Variants in IFT74 observed in about 807,000 individuals in gnomAD.
The protein encoded by IFT74 is intraflagellar transport 74.
Under a neutral mutation model 96.7 loss-of-function variants are expected in IFT74, and 92 were observed. That is an observed-to-expected ratio of 0.95 (90% CI 0.80 to 1.13). The LOEUF (loss-of-function observed/expected upper bound fraction) is 1.13. Ranked by LOEUF, IFT74 falls within the 50% of genes most tolerant of loss-of-function variation. IFT74 has a pLI of 0.00. For missense variants in IFT74, 811 were observed against 698.2 expected (o/e 1.16, Z -1.82); for synonymous variants, 223 against 213.2 (o/e 1.05, Z -0.40).
At chr9:26,974,692 A>G (rs1289821460) in intron 2 of IFT74, among the ~76,000 whole-genome samples, 1 of 152,054 alleles carries the variant, frequency 6.6e-6, no homozygotes, top group Non-Finnish European at 1.5e-5. Context: ...TAGCAGCCCT[A>G]CGGTTATGCT....
At chr9:26,977,170 G>T (rs1179845286) in intron 2 of IFT74, among the ~76,000 whole-genome samples, 1 of 151,854 alleles carries the variant, frequency 6.6e-6, no homozygotes, top group Non-Finnish European at 1.5e-5. Flanking sequence ...TTAAAAGACG[G>T]TCTCTCTATG....
At chr9:27,048,959 G>A (rs535199452) in intron 16 of IFT74, among the ~76,000 whole-genome samples, 4 of 152,256 alleles carry the variant, frequency 2.6e-5, no homozygotes, top group African/African-American at 9.6e-5. Flanking sequence ...GGAAATGTTT[G>A]GGTCATGGGG....
At chr9:27,061,519 C>A (rs1196186354) in intron 19 of IFT74, among the ~76,000 whole-genome samples, 1 of 151,952 alleles carries the variant, frequency 6.6e-6, no homozygotes, top group Non-Finnish European at 1.5e-5. Flanking sequence ...TAGGCTCAAT[C>A]CCACCTCGGC....
At chr9:26,974,297 C>T (rs867091175) in intron 2 of IFT74, among the ~76,000 whole-genome samples, 6 of 152,112 alleles carry the variant, frequency 3.9e-5, no homozygotes, top group Admixed American at 6.6e-5. Flanking sequence ...GTTTACTTAG[C>T]GGTCGGTCTT....
intron 1 of IFT74, among the ~76,000 whole-genome samples, chr9:26,949,617 T>C (rs747131640): frequency 1.3e-5 from 2 of 152,106 alleles, no homozygotes; most frequent in Admixed American, 6.5e-5. Context: ...CACTGAGAAC[T>C]ACAAATGTTG....
At chr9:27,052,507 C>CA (rs1187027414) in intron 16 of IFT74, among the ~76,000 whole-genome samples, 2,453 of 56,636 alleles carry the variant, frequency 0.043, 72 homozygotes, top group African/African-American at 0.093. Context: ...AAATCTATCT[C>CA]AAAAAAAAAA....
intron 12 of IFT74, among the ~76,000 whole-genome samples, chr9:27,021,981 C>CT (rs2131628506): frequency 6.6e-6 from 1 of 152,262 alleles, no homozygotes; most frequent in African/African-American, 2.4e-5. Context: ...ATTTAAGTCT[C>CT]TGATTCACCT....
rs1297462315 is a variant in IFT74 at position 26,961,988 on chromosome 9, T to G, written c.21T>G (p.Ser7=). 4 of 1,614,182 alleles carry G rather than the reference T, an allele frequency of 2.5e-6. No homozygotes were observed. The change falls in exon 2 of 20, where the codon TCT becomes TCG. Residue 7 remains serine, a synonymous_variant. Coordinates refer to ENST00000380062, the MANE Select transcript of IFT74 (RefSeq NM_025103.4). MASNHK[S]SAARPVSRGG... Reference sequence around the variant, plus strand: ...AAACAATGGCCAGCAATCACAAATCTTCAGCAGCTCGCCCTGTTTCAAGAG... The same window carrying G: ...AAACAATGGCCAGCAATCACAAATCGTCAGCAGCTCGCCCTGTTTCAAGAG...
At chr9:27,029,920 T>C (rs1365033095) in intron 13 of IFT74, among the ~76,000 whole-genome samples, 1 of 151,972 alleles carries the variant, frequency 6.6e-6, no homozygotes, top group Non-Finnish European at 1.5e-5. Flanking sequence ...ATTAACCTTA[T>C]CCTCCCCAAC....
intron 4 of IFT74, among the ~76,000 whole-genome samples, chr9:26,983,133 T>C (rs1040016135): frequency 2.6e-5 from 4 of 152,188 alleles, no homozygotes; most frequent in African/African-American, 7.2e-5. Context: ...CTGGATCCTA[T>C]TGAGTCTCAA....
At chr9:26,948,494 G>T (rs1427951989) in intron 1 of IFT74, among the ~76,000 whole-genome samples, 7 of 65,808 alleles carry the variant, frequency 1.1e-4, no homozygotes, top group Non-Finnish European at 2.3e-4. Flanking sequence ...TTTTTGAGAC[G>T]GAGTGTCGCT....
Position 27,061,174 on chromosome 9 carries a change from C to T in IFT74, c.1684+523C>T, listed in dbSNP as rs12005119. ...GTGTGTGTGTGTGTGTGTGTGCGCA[C>T]GCACGTGCCCTCAAGTAACTAATAG... On this transcript the variant is annotated intron_variant, in intron 19 of 19. Transcript: ENST00000380062. Among the ~76,000 whole-genome samples the T allele has an allele frequency of 6.9e-3, 1,049 of 151,870 alleles. 15 individuals are homozygous for T. Among genetic ancestry groups the T allele is most frequent in the African/African-American group, 0.023 (963 of 41,410 alleles).
intron 4 of IFT74, among the ~76,000 whole-genome samples, chr9:26,981,524 C>T (rs562991378): frequency 2.6e-5 from 4 of 152,090 alleles, no homozygotes; most frequent in Non-Finnish European, 5.9e-5. Flanking sequence ...AAGCAATTCT[C>T]CTGCATCAGC....
intron 13 of IFT74, among the ~76,000 whole-genome samples, chr9:27,032,789 TCG>T (rs1376879800): frequency 6.6e-6 from 1 of 151,462 alleles, no homozygotes; most frequent in Non-Finnish European, 1.5e-5. Flanking sequence ...TCGCTTGAAC[TCG>T]GGAGGCAGAG....
rs185877989 is a variant in IFT74 at position 26,980,457 on chromosome 9, G to A, written c.257-114G>A. On this transcript the variant is annotated intron_variant, in intron 3 of 19. Coordinates refer to ENST00000380062, the MANE Select transcript of IFT74 (RefSeq NM_025103.4). ...CAGTGATTCTTCTTGATTCATTGGG[G>A]CATTCATGAAGACTGTCTTGAGAAT... The A allele has an allele frequency of 1.4e-5, 10 of 730,436 alleles. No individual in the cohort carries two copies. The Admixed American group carries it at 2.0e-4, about 14-fold the overall frequency. 45.2% of individuals were successfully genotyped at this position (730,436 alleles called of 1,614,324 possible). A position where few individuals can be genotyped will look rare whatever the true frequency, so the allele number is the denominator to read the frequency against.
chr9:27,005,566 C>T (rs1828732549), intron 8 of IFT74: 1 of 151,500 alleles, frequency 6.6e-6, no homozygotes, highest in African/African-American at 2.4e-5. Context: ...CAACAATAAC[C>T]AAAGCTATAA....
intron 1 of IFT74, among the ~76,000 whole-genome samples, chr9:26,950,112 A>T (rs905168619): frequency 6.6e-6 from 1 of 152,128 alleles, no homozygotes; most frequent in African/African-American, 2.4e-5. Flanking sequence ...GGAGATCGAG[A>T]CCATCCTGGC....
chr9:27,050,272 T>G (rs1819865150), intron 16 of IFT74, among the ~76,000 whole-genome samples: 1 of 152,180 alleles, frequency 6.6e-6, no homozygotes, highest in African/African-American at 2.4e-5. Context: ...TTTTCCAGGC[T>G]TGTCTCAAAC....
intron 13 of IFT74, chr9:27,036,400 A>G: frequency 6.3e-7 from 1 of 1,599,878 alleles, no homozygotes; most frequent in Non-Finnish European, 8.5e-7. Flanking sequence ...TTACCACAGC[A>G]ATTTTGTAAT....
Sources: allele counts gnomAD v4.1 joint callset (sites outside exome capture counted in the v4.1 genomes callset), GRCh38; gene constraint gnomAD v4.1.1; transcripts MANE v1.5; gene names NCBI Gene and HGNC (gene_info 2026-07-23, HGNC 2026-07-21).